LRP12: variants seen among roughly 807,000 people sequenced by gnomAD.
LRP12 encodes the protein low-density lipoprotein receptor-related protein 12.
LRP12 carries 14 observed loss-of-function variants against 66.0 expected under a neutral mutation model. The observed-to-expected ratio is 0.21, with a 90% CI of 0.14 to 0.33. The LOEUF (loss-of-function observed/expected upper bound fraction) is 0.33, where lower values mean the gene tolerates loss of function less well. Ranked by LOEUF, LRP12 falls within the 10% of genes least tolerant of loss-of-function variation. The pLI is 1.00. For synonymous variants in LRP12, 357 were observed against 359.1 expected, an observed-to-expected ratio of 0.99 and a Z score of 0.07; for missense variants, 889 against 1,053.4, an observed-to-expected ratio of 0.84 and a Z score of 2.16.
At chr8:104,505,169 C>G (rs1810888443) in intron 3 of LRP12, 1 of 152,180 alleles carries the variant, frequency 6.6e-6, no homozygotes, top group Non-Finnish European at 1.5e-5. Context: ...AGGCAACGTG[C>G]CATCATGCCC....
chr8:104,574,463 T>C (rs1180453673), intron 1 of LRP12, among the ~76,000 whole-genome samples: 2 of 152,194 alleles, frequency 1.3e-5, no homozygotes, highest in Non-Finnish European at 2.9e-5. Flanking sequence ...CATAGGGTTG[T>C]TTCTAGTCTG....
chr8:104,584,023 T>C (rs190630754), intron 1 of LRP12, among the ~76,000 whole-genome samples: 1 of 152,166 alleles, frequency 6.6e-6, no homozygotes, highest in African/African-American at 2.4e-5. Context: ...GAGACTCTGA[T>C]AACATGTATT....
intron 1 of LRP12, among the ~76,000 whole-genome samples, chr8:104,563,641 A>C (rs1811949951): frequency 6.6e-6 from 1 of 152,130 alleles, no homozygotes; most frequent in African/African-American, 2.4e-5. Flanking sequence ...TGAGGTGATT[A>C]CGTCATGAGG....
At position 104,495,223 on chromosome 8, in the gene LRP12, T is replaced by A; in HGVS notation, c.1581-14A>T. ...GTTTCAAATGATCTTTGAGAGTAGA[T>A]GGAAAGAAAAATGATTAAAAGGGGG... On this transcript the variant is annotated splice_polypyrimidine_tract_variant and intron_variant, in intron 5 of 6. Coordinates refer to ENST00000276654, the MANE Select transcript of LRP12 (RefSeq NM_013437.5). The A allele has an allele frequency of 6.2e-7, 1 of 1,601,490 alleles. No individual in the cohort carries two copies. Among genetic ancestry groups the A allele is most frequent in the South Asian group, 1.1e-5 (1 of 87,760 alleles).
chr8:104,584,112 A>G (rs1309331326), intron 1 of LRP12, among the ~76,000 whole-genome samples: 1 of 152,058 alleles, frequency 6.6e-6, no homozygotes, highest in Admixed American at 6.5e-5. Context: ...ATGTACATCT[A>G]TTACTTAACT....
chr8:104,489,598 T>C lies in LRP12; in HGVS notation c.*1075A>G, dbSNP rs192522909. The C allele has an allele frequency of 2.0e-5, 3 of 152,080 alleles. No homozygotes were observed. The highest frequency in any genetic ancestry group is 4.8e-5 in the African/African-American group (2 of 41,434). The allele number at this position is 152,080 out of a possible 1,614,324, so 9.4% of individuals were successfully genotyped here. On this transcript the variant is annotated 3_prime_UTR_variant, in exon 7 of 7. Coordinates refer to ENST00000276654, the MANE Select transcript of LRP12 (RefSeq NM_013437.5). ...TGATCCCCCCCAGGAATAAAATATA[T>C]TGAAAAAATCACTCTTACAACAATG... is the stretch of plus-strand genomic sequence containing the variant.
chr8:104,510,931 C>T (rs1028096622), intron 2 of LRP12, among the ~76,000 whole-genome samples: 4 of 151,788 alleles, frequency 2.6e-5, no homozygotes, highest in African/African-American at 7.3e-5. Flanking sequence ...AAAACACGGC[C>T]TGCACTCCCA....
chr8:104,520,196 CAA>C (rs1049577775), intron 2 of LRP12, among the ~76,000 whole-genome samples: 4 of 151,944 alleles, frequency 2.6e-5, no homozygotes, highest in Non-Finnish European at 4.4e-5. Flanking sequence ...ATTTTGCTAA[CAA>C]TGCATAACGT....
At position 104,516,509 on chromosome 8, in the gene LRP12, C is replaced by G. The variant is rs569349843; in HGVS notation, c.137-7435G>C. Among the ~76,000 whole-genome samples the G allele has an allele frequency of 1.3e-4, 20 of 152,104 alleles. No individual in the cohort carries two copies. The South Asian group carries it at 1.7e-3, about 13-fold the overall frequency. On this transcript the variant is annotated intron_variant, in intron 2 of 6. Transcript: ENST00000276654. ...CAGGTAGAGATCCTCTGATGGAGTT[C>G]TTAAGATTTTGGTATTAGTTTTCTC...
chr8:104,579,948 A>C (rs1346267933), intron 1 of LRP12, among the ~76,000 whole-genome samples: 1 of 152,224 alleles, frequency 6.6e-6, no homozygotes, highest in African/African-American at 2.4e-5. Context: ...TTGAAGACTT[A>C]AATATAAAAC....
At chr8:104,505,592 G>A (rs1810896322) in intron 3 of LRP12, 1 of 151,848 alleles carries the variant, frequency 6.6e-6, no homozygotes, top group South Asian at 2.1e-4. Context: ...TAGTAGAGAT[G>A]AGGTTTCGCT....
Position 104,497,672 on chromosome 8 carries a change from G to C in LRP12, c.880C>G (p.His294Asp), listed in dbSNP as rs1810757400. 1.2e-6 allele frequency: 2 copies of C among 1,613,968 alleles called. No homozygotes were observed. Among genetic ancestry groups the C allele is most frequent in the African/African-American group, 2.7e-5 (2 of 74,920 alleles). Residue 294 changes from histidine to aspartate, a missense_variant, in exon 5 of 7, where the codon CAC becomes GAC. His to Asp is a moderately conservative substitution (Grantham distance 81). Transcript: ENST00000276654. This position sits in a 1 kb window ranked among gnomAD's most constrained non-coding sequence, Gnocchi z 4.3. ...NCTWLIDTGD[H>D]RKVILRFTDF... is the part of the protein sequence containing the mutation. The stretch of plus-strand genomic sequence containing the variant: ...GTGAAGCGTAAAATGACTTTACGGT[G>C]ATCACCAGTGTCTATTAACCAGGTG...
intron 1 of LRP12, among the ~76,000 whole-genome samples, chr8:104,544,003 TAA>T (rs1449044008): frequency 6.6e-6 from 1 of 152,292 alleles, no homozygotes; most frequent in East Asian, 1.9e-4. Context: ...AGCTGAAAGC[TAA>T]AGAGTTAGTC....
At chr8:104,499,663 C>G in intron 3 of LRP12, 144 bp from the exon 4 acceptor site, 1 of 562,852 alleles carries the variant, frequency 1.8e-6, no homozygotes, top group Non-Finnish European at 3.1e-6. Context: ...GTATCATTAG[C>G]AAATAATAAT....
chr8:104,565,077 G>A (rs893750335), intron 1 of LRP12, among the ~76,000 whole-genome samples: 7 of 152,078 alleles, frequency 4.6e-5, no homozygotes, highest in African/African-American at 1.4e-4. Context: ...TCTATTAAGT[G>A]TAATATAATA....
chr8:104,516,896 T>C (rs1188149091), intron 2 of LRP12, among the ~76,000 whole-genome samples: 2 of 152,040 alleles, frequency 1.3e-5, no homozygotes, highest in African/African-American at 2.4e-5. Flanking sequence ...TATAATTTCC[T>C]GCTCCACAGA....
chr8:104,550,979 G>GT (rs1811716480), intron 1 of LRP12, among the ~76,000 whole-genome samples: 1 of 152,030 alleles, frequency 6.6e-6, no homozygotes. Context: ...TTATAAAACT[G>GT]TAACTAGTTC....
Position 104,497,061 on chromosome 8 carries a change from G to A in LRP12, c.1491C>T (p.Ala497=), listed in dbSNP as rs751747514. 21 of 1,610,678 alleles carry A rather than the reference G, an allele frequency of 1.3e-5. No homozygotes were observed. The highest frequency in any genetic ancestry group is 1.7e-5 in the Non-Finnish European group (20 of 1,178,072). Residue 497 remains alanine (A), a synonymous_variant, in exon 5 of 7, where the codon GCC becomes GCT. Coordinates refer to ENST00000276654, the MANE Select transcript of LRP12 (RefSeq NM_013437.5). This position sits in a 1 kb window ranked among gnomAD's most constrained non-coding sequence, Gnocchi z 4.3. ...VIVPTRVITA[A]VIGSLICGLL... is the part of the protein sequence containing the mutation. ...GGCCACAGATGAGGCTCCCTATGACGGCAGCAGTGATGACTCTTGTAGGCA... is the reference window on the plus strand; with the variant it reads ...GGCCACAGATGAGGCTCCCTATGACAGCAGCAGTGATGACTCTTGTAGGCA...
chr8:104,588,964 A>ACGACGCCGCCGCCGCCGC lies in LRP12; in HGVS notation c.-68_-67insGCGGCGGCGGCGGCGTCG, dbSNP rs548846399. ...AGGGAGGAGAAGCTGGAGGTAGACG[A>ACGACGCCGCCGCCGCCGC]CGCCGACGCCGCCGCCGCCGCCGCC... On this transcript the variant is annotated 5_prime_UTR_variant, in exon 1 of 7. Transcript: ENST00000276654. The ACGACGCCGCCGCCGCCGC allele has an allele frequency of 6.6e-6, 6 of 905,882 alleles. No individual in the cohort carries two copies. The African/African-American group carries it at 1.1e-4, about 17-fold the overall frequency. 56.1% of individuals were successfully genotyped at this position (905,882 alleles called of 1,614,324 possible).
Sources: allele counts gnomAD v4.1 joint callset (sites outside exome capture counted in the v4.1 genomes callset), GRCh38; gene constraint gnomAD v4.1.1; non-coding constraint Gnocchi (gnomAD v3.1); transcripts MANE v1.5; gene names NCBI Gene and HGNC (gene_info 2026-07-23, HGNC 2026-07-21).